Variants in PDZD8 observed in about 807,000 individuals in gnomAD.
PDZD8 encodes PDZ domain-containing protein 8.
In PDZD8, 14 loss-of-function variants were observed where a neutral mutation model predicts 85.8. The observed-to-expected ratio is 0.16, with a 90% CI of 0.11 to 0.26. The LOEUF (loss-of-function observed/expected upper bound fraction) is 0.26. Ranked by LOEUF, PDZD8 falls within the 10% of genes least tolerant of loss-of-function variation. The probability of loss-of-function intolerance (pLI) is 1.00; values close to 1 mark genes in which losing one functional copy is unlikely to be tolerated. For missense variants in PDZD8, 1,197 were observed against 1,424.3 expected (o/e 0.84, Z 2.57); for synonymous variants, 592 against 568.6 (o/e 1.04, Z -0.59).
intron 1 of PDZD8, among the ~76,000 whole-genome samples, chr10:117,361,182 G>T (rs1001325439): frequency 6.6e-6 from 1 of 152,042 alleles, no homozygotes; most frequent in Admixed American, 6.6e-5. Flanking sequence ...ACCCCTCAAA[G>T]GTCTGGAACA....
chr10:117,343,194 T>C (rs1180735322), intron 1 of PDZD8, among the ~76,000 whole-genome samples: 1 of 152,198 alleles, frequency 6.6e-6, no homozygotes, highest in African/African-American at 2.4e-5. Context: ...CCTACTATAG[T>C]TTATACTGAA....
At chr10:117,353,746 A>G (rs4751623) in intron 1 of PDZD8, among the ~76,000 whole-genome samples, 32,402 of 124,194 alleles carry the variant, frequency 0.26, 4,437 homozygotes, top group East Asian at 0.48. Flanking sequence ...AGACAAAGCA[A>G]GATGAGGGAG....
In PDZD8 at chr10:117,284,552, G is replaced by C. The variant is rs1028343196; in HGVS notation, c.2181C>G (p.Ile727Met). 6 of 1,614,062 alleles carry C rather than the reference G, an allele frequency of 3.7e-6. No homozygotes were observed. Among genetic ancestry groups the C allele is most frequent in the Non-Finnish European group, 5.1e-6 (6 of 1,180,050 alleles). ...CRDPFKLGGLICLGHVSLKLE... is the reference protein window; with the variant it reads ...CRDPFKLGGLMCLGHVSLKLE... The stretch of plus-strand genomic sequence containing the variant: ...GTTTTAAACTAACATGCCCCAAACA[G>C]ATGAGACCTCCCAACTTGAAAGGAT... Residue 727 changes from isoleucine (I) to methionine (M), a missense_variant, in exon 5 of 5, where the codon ATC becomes ATG. Around this residue, in one of 4 missense-constraint regions of PDZD8, gnomAD observed 418 missense variants for 571.1 expected, o/e 0.73. Transcript: ENST00000334464.
At chr10:117,341,216 G>A (rs530658436) in intron 1 of PDZD8, 114 bp from the exon 2 acceptor site, 23 of 1,122,656 alleles carry the variant, frequency 2.0e-5, no homozygotes, top group East Asian at 5.2e-5. Flanking sequence ...AATACTACAC[G>A]TGCTCTACAA....
intron 1 of PDZD8, among the ~76,000 whole-genome samples, chr10:117,368,944 C>T (rs1460276395): frequency 1.3e-5 from 2 of 150,856 alleles, no homozygotes; most frequent in Non-Finnish European, 1.5e-5. Context: ...CAACCTCCGC[C>T]TCCTGGGTTC....
rs1056865073 is a variant in PDZD8 at position 117,286,351 on chromosome 10, C to T, written c.1262-880G>A. Among the ~76,000 whole-genome samples the T allele has an allele frequency of 2.6e-5, 4 of 152,318 alleles. No individual in the cohort carries two copies. In the East Asian group the frequency reaches 5.8e-4, roughly 22 times the overall value. On this transcript the variant is annotated intron_variant, in intron 4 of 4. Transcript: ENST00000334464. Reference sequence around the variant, plus strand: ...TGTTTCCTGTCACTCTTCCCACACTCTCTAAAACAGCACTTGCCCAAGCTA... The same window carrying T: ...TGTTTCCTGTCACTCTTCCCACACTTTCTAAAACAGCACTTGCCCAAGCTA...
intron 1 of PDZD8, among the ~76,000 whole-genome samples, chr10:117,355,444 A>T (rs745466478): frequency 2.6e-5 from 4 of 152,146 alleles, no homozygotes; most frequent in Non-Finnish European, 5.9e-5. Context: ...CCTCCCAACT[A>T]AATTGTGAGT....
At chr10:117,288,466 A>T (rs1350997384) in intron 4 of PDZD8, among the ~76,000 whole-genome samples, 1 of 152,070 alleles carries the variant, frequency 6.6e-6, no homozygotes, top group Non-Finnish European at 1.5e-5. Flanking sequence ...TCTTTTTTTT[A>T]AAACAATGAA....
intron 2 of PDZD8, among the ~76,000 whole-genome samples, chr10:117,328,661 C>G (rs891914035): frequency 6.6e-6 from 1 of 151,358 alleles, no homozygotes; most frequent in Non-Finnish European, 1.5e-5. Context: ...TTATGTTAAC[C>G]AATCAGTCTT....
At chr10:117,305,471 T>TACAC (rs57037106) in intron 3 of PDZD8, among the ~76,000 whole-genome samples, 12,344 of 141,386 alleles carry the variant, frequency 0.087, 502 homozygotes, top group Middle Eastern at 0.15. Context: ...TACACACACA[T>TACAC]ACACACACAC....
At chr10:117,358,945 A>G (rs372386971) in intron 1 of PDZD8, among the ~76,000 whole-genome samples, 15 of 152,154 alleles carry the variant, frequency 9.9e-5, no homozygotes, top group Admixed American at 6.5e-4. Flanking sequence ...CTTCCCTTCC[A>G]CAAGGAACCA....
intron 2 of PDZD8, among the ~76,000 whole-genome samples, chr10:117,323,677 C>G (rs1001149400): frequency 6.6e-6 from 1 of 152,140 alleles, no homozygotes; most frequent in African/African-American, 2.4e-5. Flanking sequence ...AGAGGCAGAA[C>G]AGTATTCTCC....
At chr10:117,332,480 A>G (rs1844434201) in intron 2 of PDZD8, among the ~76,000 whole-genome samples, 1 of 150,266 alleles carries the variant, frequency 6.7e-6, no homozygotes, top group Admixed American at 6.7e-5. Context: ...CAGAACCAAA[A>G]TAATTTTTAT....
chr10:117,319,433 A>ACT (rs1203724069), intron 2 of PDZD8, among the ~76,000 whole-genome samples: 452 of 22,994 alleles, frequency 0.02, 4 homozygotes, highest in African/African-American at 0.027. Flanking sequence ...ACACACACAC[A>ACT]CTCTTCATCT....
At position 117,291,857 on chromosome 10, in the gene PDZD8, TA is replaced by T. The variant is rs55646633; in HGVS notation, c.1099-1510del. Among the ~76,000 whole-genome samples, 604 of 147,044 alleles carry T rather than the reference TA, an allele frequency of 4.1e-3. 5 individuals are homozygous for T. The highest frequency in any genetic ancestry group is 0.014 in the African/African-American group (545 of 40,016). ...TGTGTCCTCATTCAAACAACTGATT[TA>T]AAAAAAAAAAACAGGCAGAGTGCTA... On this transcript the variant is annotated intron_variant, in intron 3 of 4. Coordinates refer to ENST00000334464, the MANE Select transcript of PDZD8 (RefSeq NM_173791.5).
chr10:117,325,318 T>C (rs1844296174), intron 2 of PDZD8, among the ~76,000 whole-genome samples: 1 of 151,894 alleles, frequency 6.6e-6, no homozygotes, highest in Admixed American at 6.6e-5. Context: ...TGGTGAGCCC[T>C]GGGTTTGGCT....
At chr10:117,295,552 T>C (rs1382962686) in intron 3 of PDZD8, among the ~76,000 whole-genome samples, 3 of 152,150 alleles carry the variant, frequency 2.0e-5, no homozygotes, top group Admixed American at 6.6e-5. Flanking sequence ...CATCGGTGAA[T>C]TCTGAAAGAA....
At chr10:117,327,743 T>C (rs371480823) in intron 2 of PDZD8, among the ~76,000 whole-genome samples, 1 of 152,236 alleles carries the variant, frequency 6.6e-6, no homozygotes, top group Non-Finnish European at 1.5e-5. Context: ...TACATTTACT[T>C]TTTTCCATGA....
At chr10:117,310,351 A>G (rs1248483401) in intron 3 of PDZD8, among the ~76,000 whole-genome samples, 2 of 152,160 alleles carry the variant, frequency 1.3e-5, no homozygotes. Context: ...TGATTTCCCT[A>G]CTACGAATTT....
Sources: gnomAD v4.1 joint callset for allele counts (sites outside exome capture counted in the v4.1 genomes callset) on GRCh38, gnomAD v4.1.1 for gene constraint, gnomAD v4.1.1 regional missense constraint, MANE v1.5 for transcripts, NCBI Gene and HGNC (gene_info 2026-07-23, HGNC 2026-07-21) for gene names.